MCC: variants seen among roughly 807,000 people sequenced by gnomAD.
The protein encoded by MCC is MCC regulator of Wnt signaling pathway, also known as colorectal mutant cancer protein.
In MCC, 90 loss-of-function variants were observed where a neutral mutation model predicts 116.2. That is an observed-to-expected ratio of 0.77 (90% confidence interval 0.65 to 0.92). The LOEUF is 0.92. MCC is among the 40% of genes least tolerant of loss of function. The pLI, the probability that MCC is intolerant of heterozygous loss-of-function variation, is 0.00. For synonymous variants in MCC, 578 were observed against 510.5 expected, an observed-to-expected ratio of 1.13 and a Z score of -1.78; for missense variants, 1,516 against 1,312.2, an observed-to-expected ratio of 1.16 and a Z score of -2.40.
At chr5:113,466,376 T>C (rs1159074351) in intron 1 of MCC, among the ~76,000 whole-genome samples, 1 of 132,342 alleles carries the variant, frequency 7.6e-6, no homozygotes, top group African/African-American at 2.9e-5. Flanking sequence ...ATGTTCCCCT[T>C]CCTGTGTCCA....
chr5:113,242,314 G>T lies in MCC; in HGVS notation c.628-90892C>A, dbSNP rs574402208. Among the ~76,000 whole-genome samples the T allele has an allele frequency of 2.0e-5, 3 of 152,282 alleles. No individual in the cohort carries two copies. In the South Asian group the frequency reaches 6.2e-4, roughly 32 times the overall value. On this transcript the variant is annotated intron_variant, in intron 3 of 18. Coordinates refer to ENST00000408903, the MANE Select transcript of MCC (RefSeq NM_001085377.2). ...TCATTCTAGTATATTCACATCATTG[G>T]TAAGTATGTCAATGGTATAATTCTC...
chr5:113,317,623 A>G (rs1310906082), intron 3 of MCC, among the ~76,000 whole-genome samples: 1 of 151,926 alleles, frequency 6.6e-6, no homozygotes, highest in South Asian at 2.1e-4. Flanking sequence ...GATGTATGAC[A>G]CGGATATTCC....
rs1434690700 is a variant in MCC at position 113,211,082 on chromosome 5, T to C, written c.628-59660A>G. Among the ~76,000 whole-genome samples the C allele has an allele frequency of 2.0e-5, 3 of 152,350 alleles. No homozygotes were observed. In the South Asian group the frequency reaches 6.2e-4, roughly 32 times the overall value. On this transcript the variant is annotated intron_variant, in intron 3 of 18. Transcript: ENST00000408903. ...TGACTGAGTCTCTTCCAAATTCATG[T>C]TAAAATCCTCATCCCCAATGTGATG...
chr5:113,090,428 G>A (rs1755528444), intron 8 of MCC, among the ~76,000 whole-genome samples: 1 of 151,520 alleles, frequency 6.6e-6, no homozygotes, highest in East Asian at 1.9e-4. Flanking sequence ...ACAGTAGACT[G>A]AAGAACACAT....
chr5:113,384,285 T>C (rs1262854258), intron 2 of MCC, among the ~76,000 whole-genome samples: 1 of 152,200 alleles, frequency 6.6e-6, no homozygotes, highest in Non-Finnish European at 1.5e-5. Flanking sequence ...ATTTTAATCT[T>C]AAATTTAAAA....
At chr5:113,407,174 T>A (rs1406617157) in intron 1 of MCC, among the ~76,000 whole-genome samples, 5 of 152,182 alleles carry the variant, frequency 3.3e-5, no homozygotes, top group Non-Finnish European at 7.3e-5. Context: ...GCAATTGACA[T>A]AATCCTCTTA....
intron 8 of MCC, 21 bp downstream of exon 8, chr5:113,101,718 T>C: frequency 6.2e-7 from 1 of 1,611,918 alleles, no homozygotes; most frequent in Middle Eastern, 1.7e-4. Context: ...GGCCTGACCA[T>C]TATGGATGCA....
At chr5:113,427,959 T>G (rs1399094176) in intron 1 of MCC, among the ~76,000 whole-genome samples, 2 of 152,156 alleles carry the variant, frequency 1.3e-5, no homozygotes, top group Non-Finnish European at 2.9e-5. Flanking sequence ...CATACCTCAG[T>G]GGAAACCAGC....
chr5:113,207,769 C>T (rs546812413), intron 3 of MCC, among the ~76,000 whole-genome samples: 2 of 152,160 alleles, frequency 1.3e-5, no homozygotes, highest in East Asian at 1.9e-4. Context: ...TATTCTGATC[C>T]TAGCTAGAGG....
At chr5:113,207,030 C>G (rs1762942292) in intron 3 of MCC, among the ~76,000 whole-genome samples, 1 of 152,192 alleles carries the variant, frequency 6.6e-6, no homozygotes, top group Non-Finnish European at 1.5e-5. Flanking sequence ...CAAATGAGAG[C>G]CTTTGTGTAG....
At chr5:113,205,269 T>C (rs1212188547) in intron 3 of MCC, among the ~76,000 whole-genome samples, 2 of 152,210 alleles carry the variant, frequency 1.3e-5, no homozygotes, top group South Asian at 2.1e-4. Context: ...AGATCTAGAA[T>C]AAACAGTTAA....
At chr5:113,303,097 A>G (rs1364293436) in intron 3 of MCC, among the ~76,000 whole-genome samples, 1 of 152,196 alleles carries the variant, frequency 6.6e-6, no homozygotes, top group Non-Finnish European at 1.5e-5. Flanking sequence ...CGCAGAGGAA[A>G]TCAAGTGTTC....
At chr5:113,182,716 C>A (rs1761692234) in intron 3 of MCC, among the ~76,000 whole-genome samples, 1 of 152,226 alleles carries the variant, frequency 6.6e-6, no homozygotes, top group South Asian at 2.1e-4. Context: ...CATTTACATG[C>A]CAGTCTTCAT....
intron 14 of MCC, among the ~76,000 whole-genome samples, chr5:113,063,545 A>G (rs1418790754): frequency 6.6e-6 from 1 of 152,246 alleles, no homozygotes; most frequent in East Asian, 1.9e-4. Context: ...AGGCACAAGA[A>G]GACAGGAGAG....
Position 113,238,597 on chromosome 5 carries a change from C to A in MCC, c.628-87175G>T, listed in dbSNP as rs549711859. 1.6e-3 allele frequency among the ~76,000 whole-genome samples: 251 copies of A among 152,214 alleles called. 3 individuals carry two copies. The South Asian group carries it at 0.018, about 11-fold the overall frequency. Reference sequence around the variant, plus strand: ...ATTTTGTTATTGGTTGTATACAATTCAAAAATGAAGGCTGTTAATGCTGAG... The same window carrying A: ...ATTTTGTTATTGGTTGTATACAATTAAAAAATGAAGGCTGTTAATGCTGAG... On this transcript the variant is annotated intron_variant, in intron 3 of 18. Transcript: ENST00000408903.
intron 3 of MCC, among the ~76,000 whole-genome samples, chr5:113,240,516 T>A (rs1393228784): frequency 6.6e-6 from 1 of 152,216 alleles, no homozygotes; most frequent in Non-Finnish European, 1.5e-5. Context: ...ATTCATGATA[T>A]CCACTCTAGC....
chr5:113,310,409 C>A (rs959965886), intron 3 of MCC, among the ~76,000 whole-genome samples: 7 of 152,168 alleles, frequency 4.6e-5, no homozygotes, highest in Non-Finnish European at 1.0e-4. Context: ...AACTTCCCAG[C>A]CTCCAGAACG....
chr5:113,125,673 A>G (rs544037718), intron 5 of MCC, among the ~76,000 whole-genome samples: 1 of 152,284 alleles, frequency 6.6e-6, no homozygotes, highest in Non-Finnish European at 1.5e-5. Context: ...TTGTTCCATC[A>G]AGAGCTATGG....
At chr5:113,043,292 G>C (rs950775013) in intron 17 of MCC, among the ~76,000 whole-genome samples, 2 of 152,192 alleles carry the variant, frequency 1.3e-5, no homozygotes, top group Non-Finnish European at 2.9e-5. Flanking sequence ...GAAAGGAAGA[G>C]GAATTTTCCT....
Sources: gnomAD v4.1 joint callset for allele counts (sites outside exome capture counted in the v4.1 genomes callset) on GRCh38, gnomAD v4.1.1 for gene constraint, MANE v1.5 for transcripts, NCBI Gene and HGNC (gene_info 2026-07-23, HGNC 2026-07-21) for gene names.